Variants in BRWD1 observed in about 807,000 individuals in gnomAD.
BRWD1 encodes bromodomain and WD repeat domain containing 1.
A neutral mutation model predicts 251.2 loss-of-function variants in BRWD1; 82 were observed. The ratio of observed to expected loss-of-function variants is 0.33; its 90% CI spans 0.27 to 0.39. The LOEUF (loss-of-function observed/expected upper bound fraction) is 0.39. BRWD1 is among the 10% of genes least tolerant of loss of function. The probability of loss-of-function intolerance (pLI) is 1.00; values close to 1 mark genes in which losing one functional copy is unlikely to be tolerated. For synonymous variants in BRWD1, 918 were observed against 902.8 expected (o/e 1.02, Z -0.30); for missense variants, 2,233 against 2,711.6 (o/e 0.82, Z 3.92).
chr21:39,184,284 G>A (rs904003650), downstream of BRWD1: 3 of 152,212 alleles, frequency 2.0e-5, no homozygotes, highest in Admixed American at 6.5e-5. Flanking sequence ...AAAAAATAGT[G>A]TTTTAAAGTT....
At chr21:39,261,900 G>A (rs1162681289) in intron 17 of BRWD1, among the ~76,000 whole-genome samples, 1 of 152,060 alleles carries the variant, frequency 6.6e-6, no homozygotes, top group South Asian at 2.1e-4. Context: ...ACTTAATAGA[G>A]TACTTAATAC....
chr21:39,278,586 A>C, intron 10 of BRWD1, 157 bp downstream of exon 10: 1 of 561,942 alleles, frequency 1.8e-6, no homozygotes, highest in Non-Finnish European at 3.1e-6. Context: ...GACTGGAAGA[A>C]CAAGGCTAAC....
rs185533176 is a variant in BRWD1, at chr21:39,218,400, A to G, written c.3538+105T>C. 3 of 1,426,536 alleles carry G rather than the reference A, an allele frequency of 2.1e-6. No individual in the cohort carries two copies. In the African/African-American group the frequency reaches 4.3e-5, roughly 21 times the overall value. 88.4% of individuals were successfully genotyped at this position (1,426,536 alleles called of 1,614,324 possible). A position where few individuals can be genotyped will look rare whatever the true frequency, so the allele number is the denominator to read the frequency against. The stretch of plus-strand genomic sequence containing the variant: ...GGCTAAATTAAAAGATAACCAATAC[A>G]AAGTGTAGAAAAGAACAGAAACCTC... On this transcript the variant is annotated intron_variant, in intron 30 of 40. Transcript: ENST00000342449.
intron 8 of BRWD1, among the ~76,000 whole-genome samples, chr21:39,284,800 T>C (rs1216934627): frequency 2.0e-5 from 3 of 152,218 alleles, no homozygotes; most frequent in Non-Finnish European, 2.9e-5. Flanking sequence ...GAGTTCCTTA[T>C]ATGTTCTGGA....
At chr21:39,239,080 A>G (rs1019268813) in intron 21 of BRWD1, among the ~76,000 whole-genome samples, 2 of 152,174 alleles carry the variant, frequency 1.3e-5, no homozygotes, top group African/African-American at 2.4e-5. Context: ...TATTGTGAAT[A>G]TAAGTCATTT....
At chr21:39,296,118 A>T in intron 6 of BRWD1, 147 bp downstream of exon 6, 1 of 648,882 alleles carries the variant, frequency 1.5e-6, no homozygotes, top group African/African-American at 1.9e-5. Flanking sequence ...TAATTATTTT[A>T]ACAATAATTT....
chr21:39,218,050 C>T, intron 31 of BRWD1, 102 bp downstream of exon 31: 1 of 1,233,498 alleles, frequency 8.1e-7, no homozygotes, highest in Non-Finnish European at 1.1e-6. Context: ...ACAGAAAATG[C>T]TAATCAGCCC....
At chr21:39,255,114 G>A (rs936638534) in intron 19 of BRWD1, among the ~76,000 whole-genome samples, 1 of 151,982 alleles carries the variant, frequency 6.6e-6, no homozygotes, top group African/African-American at 2.4e-5. Context: ...TGTGTGCATG[G>A]ACAAAAAAAG....
Position 39,202,426 on chromosome 21 carries a change from C to A in BRWD1, c.4484G>T (p.Gly1495Val). 6.2e-7 allele frequency: 1 copy of A among 1,614,108 alleles called. No individual in the cohort carries two copies. Among genetic ancestry groups the A allele is most frequent in the Non-Finnish European group, 8.5e-7 (1 of 1,179,990 alleles). ...ACCAGAAGTAACACCTGAAGAGATA[C>A]CAGCACTTGTCTTGTGGGTTCCAAG... ...AYLGTHKTSAGISSGVTSGDS... is the reference protein window; with the variant it reads ...AYLGTHKTSAVISSGVTSGDS... The change falls in exon 38 of 41, where the codon GGT becomes GTT. Residue 1495 changes from glycine (G) to valine (V), a missense_variant. Gly to Val is a moderately radical substitution (Grantham distance 109, BLOSUM62 -3). Coordinates refer to ENST00000342449, the MANE Select transcript of BRWD1 (RefSeq NM_033656.4).
intron 1 of BRWD1, among the ~76,000 whole-genome samples, chr21:39,320,194 ATTTTCCCAGCTCCTTTCCT>A (rs2036734154): frequency 1.3e-5 from 2 of 152,042 alleles, no homozygotes; most frequent in African/African-American, 2.4e-5. Context: ...TGGAGTTTCC[ATTTTCCCAGCTCCTTTCCT>A]GCCAAGCCAC....
chr21:39,239,207 T>C (rs543780673), intron 21 of BRWD1, among the ~76,000 whole-genome samples: 1 of 152,260 alleles, frequency 6.6e-6, no homozygotes, highest in South Asian at 2.1e-4. Flanking sequence ...TTTTTATATT[T>C]TTTCTTTCAT....
intron 37 of BRWD1, among the ~76,000 whole-genome samples, chr21:39,205,068 A>G (rs998441660): frequency 4.6e-5 from 7 of 152,234 alleles, no homozygotes; most frequent in African/African-American, 1.7e-4. Context: ...TTACAAACCA[A>G]TACAACAGCT....
rs2031743143 is a variant in BRWD1, at chr21:39,195,121, A to G, written c.*1138T>C. 1 of 1,167,968 alleles carries G rather than the reference A, an allele frequency of 8.6e-7. No homozygotes were observed. Among genetic ancestry groups the G allele is most frequent in the African/African-American group, 1.6e-5 (1 of 62,514 alleles). The allele number at this position is 1,167,968 out of a possible 1,614,324, so 72.4% of individuals were successfully genotyped here. Reference sequence around the variant, plus strand: ...TTCCCACAAAACATGACAGTTTCTTATATTTGGACTAGAAGTCACTAATAA... The same window carrying G: ...TTCCCACAAAACATGACAGTTTCTTGTATTTGGACTAGAAGTCACTAATAA... On this transcript the variant is annotated 3_prime_UTR_variant, in exon 41 of 41. Transcript: ENST00000342449.
At chr21:39,242,920 C>T (rs1181690666) in intron 21 of BRWD1, among the ~76,000 whole-genome samples, 1 of 152,156 alleles carries the variant, frequency 6.6e-6, no homozygotes, top group Non-Finnish European at 1.5e-5. Flanking sequence ...GACTCCTTTC[C>T]AAATATTACT....
chr21:39,255,520 T>C, intron 19 of BRWD1, 125 bp downstream of exon 19: 2 of 756,458 alleles, frequency 2.6e-6, no homozygotes, highest in Non-Finnish European at 4.1e-6. Context: ...ATAGTAAGAT[T>C]CCCACTCATT....
At position 39,313,119 on chromosome 21, in the gene BRWD1, G is replaced by A. The variant is rs1399066252; in HGVS notation, c.109-18C>T. 1.7e-5 allele frequency: 25 copies of A among 1,495,982 alleles called. No homozygotes were observed. Among genetic ancestry groups the A allele is most frequent in the Non-Finnish European group, 2.1e-5 (24 of 1,124,646 alleles). 92.7% of individuals were successfully genotyped at this position (1,495,982 alleles called of 1,614,324 possible). A position where few individuals can be genotyped will look rare whatever the true frequency, so the allele number is the denominator to read the frequency against. ...ACCAGCACCTGCGGCCGAGAGACGCGCGGTCAGGGGTGGGGTCGGGCCCGG... is the reference window on the plus strand; with the variant it reads ...ACCAGCACCTGCGGCCGAGAGACGCACGGTCAGGGGTGGGGTCGGGCCCGG... On this transcript the variant is annotated intron_variant, in intron 2 of 40. Transcript: ENST00000342449.
In BRWD1 at chr21:39,197,319, G is replaced by A; in HGVS notation, c.5750C>T (p.Ser1917Leu). Reference protein sequence around the residue: ...SDSSLQVVKKSSKARTGLLRI... With the variant: ...SDSSLQVVKKLSKARTGLLRI... Reference sequence around the variant, plus strand: ...CAGGAGACCTGTTCTGGCTTTTGATGATTTCTTAACCACCTGTAAACTACT... The same window carrying A: ...CAGGAGACCTGTTCTGGCTTTTGATAATTTCTTAACCACCTGTAAACTACT... The change falls in exon 41 of 41, where the codon TCA becomes TTA. Residue 1917 changes from serine to leucine, a missense_variant. Physicochemically the swap from Ser to Leu is moderately radical, Grantham distance 145 (BLOSUM62 -2). Coordinates refer to ENST00000342449, the MANE Select transcript of BRWD1 (RefSeq NM_033656.4). The A allele has an allele frequency of 1.9e-6, 3 of 1,613,970 alleles. No homozygotes were observed. The highest frequency in any genetic ancestry group is 2.5e-6 in the Non-Finnish European group (3 of 1,179,926).
rs112719912 is a variant in BRWD1, at chr21:39,258,815, T to C, written c.1886-143A>G. 2,389 of 527,714 alleles carry C rather than the reference T, an allele frequency of 4.5e-3. 41 individuals carry two copies. The highest frequency in any genetic ancestry group is 0.041 in the African/African-American group (2,114 of 51,180). The allele number at this position is 527,714 out of a possible 1,614,324, so 32.7% of individuals were successfully genotyped here. A position where few individuals can be genotyped will look rare whatever the true frequency, so the allele number is the denominator to read the frequency against. On this transcript the variant is annotated intron_variant, in intron 17 of 40. Transcript: ENST00000342449. Reference sequence around the variant, plus strand: ...AACCAGTTTAAAAAGATACTCTACATATTCACCAAGAAGTCAGAGAAAAGA... The same window carrying C: ...AACCAGTTTAAAAAGATACTCTACACATTCACCAAGAAGTCAGAGAAAAGA...
chr21:39,306,957 G>A (rs2036307091), intron 4 of BRWD1, among the ~76,000 whole-genome samples: 2 of 152,176 alleles, frequency 1.3e-5, no homozygotes, highest in African/African-American at 4.8e-5. Context: ...GGGTTCAAGT[G>A]ATTCTCCTGC....
Sources: allele counts gnomAD v4.1 joint callset (sites outside exome capture counted in the v4.1 genomes callset), GRCh38; gene constraint gnomAD v4.1.1; transcripts MANE v1.5; gene names NCBI Gene and HGNC (gene_info 2026-07-23, HGNC 2026-07-21).